AP1M2: variants seen among roughly 807,000 people sequenced by gnomAD.
AP1M2 encodes adaptor related protein complex 1 subunit mu 2.
In AP1M2, 41 loss-of-function variants were observed where a neutral mutation model predicts 54.6. That is an observed-to-expected ratio of 0.75 (90% confidence interval 0.59 to 0.97). The LOEUF is 0.97. AP1M2 is among the 50% of genes least tolerant of loss of function. The pLI is 0.00. For missense variants in AP1M2, 507 were observed against 561.2 expected (o/e 0.90, Z 0.98); for synonymous variants, 219 against 215.9 (o/e 1.01, Z -0.13).
intron 6 of AP1M2, among the ~76,000 whole-genome samples, chr19:10,580,460 G>T (rs998494239): frequency 6.6e-6 from 1 of 151,694 alleles, no homozygotes; most frequent in Non-Finnish European, 1.5e-5. Flanking sequence ...AAGAGATCGA[G>T]ACCATCCTGG....
chr19:10,577,338 T>G lies in AP1M2; in HGVS notation c.907A>C (p.Lys303Gln), dbSNP rs550903760. The change falls in exon 9 of 12, where the codon AAA becomes CAA. Residue 303 changes from lysine (K) to glutamine (Q), a missense_variant. By Grantham distance (53) the Lys-to-Gln change is moderately conservative. Coordinates refer to ENST00000250244, the MANE Select transcript of AP1M2 (RefSeq NM_005498.5). ...TCCACACCGTTGGCCACTGACTGTT[T>G]CTTAAACTGCCCCTTGGCCTGTCAG... ...IMVKAKGQFK[K>Q]QSVANGVEIS... 6.2e-7 allele frequency: 1 copy of G among 1,609,590 alleles called. No homozygotes were observed. The highest frequency in any genetic ancestry group is 8.5e-7 in the Non-Finnish European group (1 of 1,178,020).
Position 10,581,262 on chromosome 19 carries a change from T to C in AP1M2, c.673+4A>G. 6.2e-7 allele frequency: 1 copy of C among 1,611,844 alleles called. No homozygotes were observed. The highest frequency in any genetic ancestry group is 8.5e-7 in the Non-Finnish European group (1 of 1,178,522). On this transcript the variant is annotated splice_donor_region_variant and intron_variant, in intron 6 of 11. Coordinates refer to ENST00000250244, the MANE Select transcript of AP1M2 (RefSeq NM_005498.5). ...CTCAGAAGAAAGGTCCCCTAAATGC[T>C]TACGGCCAGTGAGCTCGAAGAGCAC...
rs376490053 is a variant in AP1M2, at chr19:10,574,514, T to C, written c.1174-22A>G. ...GGACCTGGAAGGGAATGAAAAGAGG[T>C]GGTCCAGGATTGCAGGAGGGAGGAG... On this transcript the variant is annotated intron_variant, in intron 10 of 11. Coordinates refer to ENST00000250244, the MANE Select transcript of AP1M2 (RefSeq NM_005498.5). 141 of 1,548,326 alleles carry C rather than the reference T, an allele frequency of 9.1e-5. No individual in the cohort carries two copies. The African/African-American group carries it at 1.6e-3, about 18-fold the overall frequency.
chr19:10,585,297 A>AGG (rs1180230502), intron 1 of AP1M2, among the ~76,000 whole-genome samples: 18 of 129,584 alleles, frequency 1.4e-4, no homozygotes, highest in Non-Finnish European at 2.2e-4. Context: ...GAAAGAAAGA[A>AGG]AGAAAGAAAG....
chr19:10,582,634 G>C (rs1040747314), intron 3 of AP1M2, among the ~76,000 whole-genome samples: 1 of 151,474 alleles, frequency 6.6e-6, no homozygotes, highest in Non-Finnish European at 1.5e-5. Flanking sequence ...TGTAATTGCA[G>C]CTACTAGGGA....
intron 11 of AP1M2, among the ~76,000 whole-genome samples, chr19:10,573,953 A>G (rs1309564144): frequency 1.3e-5 from 2 of 151,882 alleles, no homozygotes; most frequent in South Asian, 2.1e-4. Context: ...GAGCCACCAC[A>G]CCCAGCCAAC....
At chr19:10,578,764 C>T (rs1917328631) in intron 8 of AP1M2, 128 bp downstream of exon 8, 1 of 592,902 alleles carries the variant, frequency 1.7e-6, no homozygotes, top group African/African-American at 1.9e-5. Context: ...GTTGCCCAGG[C>T]TGGTCTCAAA....
chr19:10,573,116 T>C (rs201923173), intron 11 of AP1M2, 28 bp from the exon 12 acceptor site: 10 of 1,557,012 alleles, frequency 6.4e-6, no homozygotes, highest in Non-Finnish European at 7.8e-6. Context: ...GGAGGGGCCA[T>C]CTCAGAAATG....
rs755791511 is a variant in AP1M2 at position 10,573,073 on chromosome 19, G to T, written c.1265C>A (p.Thr422Asn). The T allele has an allele frequency of 6.4e-7, 1 of 1,564,964 alleles. No homozygotes were observed. The highest frequency in any genetic ancestry group is 1.2e-5 in the South Asian group (1 of 84,770). The change falls in exon 12 of 12, where the codon ACC (threonine) becomes AAC (asparagine). Residue 422 changes from threonine to asparagine, a missense_variant. Transcript: ENST00000250244. ...ITQSGDYQLR[T>N]S ...CCCCATCTCTTCTCCCTTCTAGCTGGTACGAAGTTGGTAATCTGCAGAGAA... is the reference window on the plus strand; with the variant it reads ...CCCCATCTCTTCTCCCTTCTAGCTGTTACGAAGTTGGTAATCTGCAGAGAA...
At chr19:10,579,923 T>C in intron 6 of AP1M2, 65 bp from the exon 7 acceptor site, 1 of 1,479,932 alleles carries the variant, frequency 6.8e-7, no homozygotes, top group Admixed American at 2.2e-5. Context: ...TATCCCCACC[T>C]TTCCTGCCGA....
At chr19:10,583,847 G>T (rs555360879) in intron 2 of AP1M2, 67 bp downstream of exon 2, 2 of 1,536,732 alleles carry the variant, frequency 1.3e-6, no homozygotes, top group South Asian at 2.5e-5. Flanking sequence ...CCCTCTCTTG[G>T]CCTGAGCTGC....
In AP1M2 at chr19:10,573,095, A is replaced by G; in HGVS notation, c.1250-7T>C. 1 of 1,561,738 alleles carries G rather than the reference A, an allele frequency of 6.4e-7. No individual in the cohort carries two copies. The highest frequency in any genetic ancestry group is 8.7e-7 in the Non-Finnish European group (1 of 1,152,798). ...CTGGTACGAAGTTGGTAATCTGCAG[A>G]GAAAGAATGAGGAGGGGCCATCTCA... On this transcript the variant is annotated splice_region_variant and splice_polypyrimidine_tract_variant and intron_variant, in intron 11 of 11. Coordinates refer to ENST00000250244, the MANE Select transcript of AP1M2 (RefSeq NM_005498.5).
chr19:10,579,999 G>T, intron 6 of AP1M2, 141 bp from the exon 7 acceptor site: 9 of 555,096 alleles, frequency 1.6e-5, no homozygotes, highest in Non-Finnish European at 2.0e-5. Flanking sequence ...AACTGGCACA[G>T]TAGAGCTGGA....
intron 1 of AP1M2, chr19:10,585,031 A>G (rs1009953339): frequency 2.0e-5 from 3 of 151,800 alleles, no homozygotes; most frequent in African/African-American, 7.3e-5. Context: ...CTTTGGCAAC[A>G]TAGCGGGATC....
Position 10,587,200 on chromosome 19 carries a change from A to G in AP1M2, c.32T>C (p.Val11Ala), listed in dbSNP as rs1407965393. 1 of 1,559,800 alleles carries G rather than the reference A, an allele frequency of 6.4e-7. No homozygotes were observed. Among genetic ancestry groups the G allele is most frequent in the Non-Finnish European group, 8.7e-7 (1 of 1,151,822 alleles). Residue 11 changes from valine to alanine, a missense_variant, in exon 1 of 12, where the codon GTT becomes GCT. Val to Ala is a moderately conservative substitution (Grantham distance 64). Transcript: ENST00000250244. ...CATGCCCAGCCTCACCTTGCCCTTA[A>G]CGTCCAGAATGAAGACAGCCGAGGC... MSASAVFILDVKGKPLISRNY... is the reference protein window; with the variant it reads MSASAVFILDAKGKPLISRNY...
intron 1 of AP1M2, among the ~76,000 whole-genome samples, chr19:10,585,305 AAG>A (rs370507609): frequency 6.8e-6 from 1 of 146,200 alleles, no homozygotes; most frequent in African/African-American, 2.5e-5. Flanking sequence ...GAAAGAAAGA[AAG>A]AAAGAAAGAA....
rs374358921 is a variant in AP1M2 at position 10,581,279 on chromosome 19, G to A, written c.660C>T (p.Phe220=). ...LRLGLNDRVL[F]ELTGRSKNKS... is the part of the protein sequence containing the mutation. Reference sequence around the variant, plus strand: ...CTAAATGCTTACGGCCAGTGAGCTCGAAGAGCACGCGGTCATTGAGGCCCA... The same window carrying A: ...CTAAATGCTTACGGCCAGTGAGCTCAAAGAGCACGCGGTCATTGAGGCCCA... Residue 220 remains phenylalanine, a synonymous_variant, in exon 6 of 12, where the codon TTC becomes TTT. Transcript: ENST00000250244. 1.6e-4 allele frequency: 252 copies of A among 1,613,248 alleles called. No individual in the cohort carries two copies. Among genetic ancestry groups the A allele is most frequent in the Admixed American group, 2.0e-4 (12 of 59,944 alleles).
chr19:10,581,975 A>G, intron 3 of AP1M2, 97 bp from the exon 4 acceptor site: 1 of 1,341,178 alleles, frequency 7.5e-7, no homozygotes, highest in Non-Finnish European at 1.0e-6. Flanking sequence ...AGGCCAAGGC[A>G]CGAGGATCAC....
chr19:10,583,874 C>G (rs753732836), intron 2 of AP1M2, 40 bp downstream of exon 2: 19 of 1,567,312 alleles, frequency 1.2e-5, no homozygotes, highest in Non-Finnish European at 1.7e-6. Context: ...CGCCGACAGC[C>G]CCCACACCCA....
Sources: gnomAD v4.1 joint callset for allele counts (sites outside exome capture counted in the v4.1 genomes callset) on GRCh38, gnomAD v4.1.1 for gene constraint, MANE v1.5 for transcripts, NCBI Gene and HGNC (gene_info 2026-07-23, HGNC 2026-07-21) for gene names.